Variants in MCTP1 observed in about 807,000 individuals in gnomAD.
MCTP1 encodes the protein multiple C2 and transmembrane domain containing 1.
Under a neutral mutation model 120.6 loss-of-function variants are expected in MCTP1, and 69 were observed. The ratio of observed to expected loss-of-function variants is 0.57; its 90% CI spans 0.47 to 0.70. MCTP1 has a LOEUF of 0.70. Among genes scored for constraint, MCTP1 ranks in the 30% least tolerant of loss-of-function variants. MCTP1 has a pLI of 0.00. For synonymous variants in MCTP1, 529 were observed against 493.1 expected, an observed-to-expected ratio of 1.07 and a Z score of -0.96; for missense variants, 1,203 against 1,248.8, an observed-to-expected ratio of 0.96 and a Z score of 0.55.
intron 1 of MCTP1, among the ~76,000 whole-genome samples, chr5:95,093,121 A>G (rs1214338226): frequency 2.0e-5 from 3 of 152,216 alleles, no homozygotes; most frequent in Non-Finnish European, 4.4e-5. Context: ...TGGGCTTTGG[A>G]CACGTAGCAT....
chr5:94,854,715 C>T (rs775384295), intron 17 of MCTP1, among the ~76,000 whole-genome samples: 14 of 151,856 alleles, frequency 9.2e-5, no homozygotes, highest in Non-Finnish European at 1.8e-4. Context: ...GGTAAGTATG[C>T]TTTTTCTACT....
At chr5:95,282,818 A>G (rs1216485186) in intron 1 of MCTP1, among the ~76,000 whole-genome samples, 1 of 152,310 alleles carries the variant, frequency 6.6e-6, no homozygotes, top group South Asian at 2.1e-4. Flanking sequence ...CTGAAAGCCT[A>G]TCTATTCCCG....
At chr5:94,903,350 C>T (rs1806009112) in intron 10 of MCTP1, among the ~76,000 whole-genome samples, 3 of 152,244 alleles carry the variant, frequency 2.0e-5, no homozygotes, top group South Asian at 4.2e-4. Context: ...GTGTCAAATG[C>T]TCAAATGTAT....
intron 1 of MCTP1, among the ~76,000 whole-genome samples, chr5:95,177,034 TGAGAGA>T (rs149455367): frequency 8.0e-5 from 12 of 149,534 alleles, no homozygotes; most frequent in African/African-American, 2.7e-4. Flanking sequence ...CCAGCTAATT[TGAGAGA>T]GAGAGAGAGA....
intron 1 of MCTP1, among the ~76,000 whole-genome samples, chr5:95,183,499 C>T (rs903991214): frequency 1.3e-5 from 2 of 151,830 alleles, no homozygotes; most frequent in African/African-American, 2.4e-5. Flanking sequence ...AAAACTTTTA[C>T]TTTTCAAAGG....
chr5:95,158,825 G>C (rs1290704478), intron 1 of MCTP1, among the ~76,000 whole-genome samples: 1 of 151,592 alleles, frequency 6.6e-6, no homozygotes, highest in African/African-American at 2.4e-5. Context: ...TATGGTCCCA[G>C]CTACTCAGGA....
At chr5:95,204,625 C>T (rs1286806196) in intron 1 of MCTP1, among the ~76,000 whole-genome samples, 2 of 151,878 alleles carry the variant, frequency 1.3e-5, no homozygotes, top group Non-Finnish European at 2.9e-5. Flanking sequence ...TATAGAAAAC[C>T]CTAAGGAATC....
intron 1 of MCTP1, among the ~76,000 whole-genome samples, chr5:95,266,159 CT>C (rs1758864874): frequency 6.6e-6 from 1 of 152,166 alleles, no homozygotes; most frequent in South Asian, 2.1e-4. Flanking sequence ...CAGATTTTTC[CT>C]CCTAAAAATC....
At chr5:95,109,588 T>G in intron 1 of MCTP1, among the ~76,000 whole-genome samples, 1 of 152,112 alleles carries the variant, frequency 6.6e-6, no homozygotes, top group East Asian at 1.9e-4. Flanking sequence ...CAGAGCTGGA[T>G]CATCAAGTTC....
intron 12 of MCTP1, among the ~76,000 whole-genome samples, chr5:94,880,767 G>A (rs540829062): frequency 6.6e-5 from 10 of 152,210 alleles, no homozygotes; most frequent in African/African-American, 2.2e-4. Flanking sequence ...AGAATCTTTG[G>A]ATCTATTTTT....
chr5:94,724,530 G>T lies in MCTP1; in HGVS notation c.2611-9644C>A, dbSNP rs182050269. Among the ~76,000 whole-genome samples the T allele has an allele frequency of 2.9e-3, 437 of 151,774 alleles. 3 individuals carry two copies. Among genetic ancestry groups the T allele is most frequent in the African/African-American group, 0.01 (422 of 41,370 alleles). On this transcript the variant is annotated intron_variant, in intron 19 of 22. Coordinates refer to ENST00000515393, the MANE Select transcript of MCTP1 (RefSeq NM_024717.7). The stretch of plus-strand genomic sequence containing the variant: ...GTCTCCCAAAGTGCTAGGATTACAG[G>T]ACCACCACACCCAGCCAAGAAAACC...
intron 1 of MCTP1, among the ~76,000 whole-genome samples, chr5:95,246,302 G>A (rs1036280682): frequency 5.3e-5 from 8 of 152,102 alleles, no homozygotes; most frequent in African/African-American, 1.9e-4. Flanking sequence ...ACATCATAAT[G>A]ACAGGATCAA....
At chr5:94,887,456 A>G (rs1801594540) in intron 12 of MCTP1, among the ~76,000 whole-genome samples, 1 of 152,216 alleles carries the variant, frequency 6.6e-6, no homozygotes, top group African/African-American at 2.4e-5. Flanking sequence ...CTATCCAATT[A>G]TATAATGGGC....
intron 19 of MCTP1, among the ~76,000 whole-genome samples, chr5:94,737,303 C>T (rs1246899509): frequency 6.6e-6 from 1 of 152,098 alleles, no homozygotes; most frequent in Non-Finnish European, 1.5e-5. Flanking sequence ...AGAAACACTG[C>T]CAGATAATGG....
chr5:95,177,092 A>G (rs1372166275), intron 1 of MCTP1, among the ~76,000 whole-genome samples: 3 of 151,584 alleles, frequency 2.0e-5, no homozygotes, highest in African/African-American at 7.3e-5. Context: ...AATATATATT[A>G]GGGTTATCCG....
intron 18 of MCTP1, among the ~76,000 whole-genome samples, chr5:94,780,764 G>C (rs941446464): frequency 5.3e-5 from 8 of 152,110 alleles, no homozygotes; most frequent in African/African-American, 1.7e-4. Flanking sequence ...ATAGTGCTAG[G>C]TAATGTGGGA....
chr5:94,947,573 TATATAGAGAGAG>T (rs1169043858), intron 3 of MCTP1, among the ~76,000 whole-genome samples: 13 of 47,020 alleles, frequency 2.8e-4, no homozygotes, highest in East Asian at 5.6e-4. Context: ...TATATATATA[TATATAGAGAGAG>T]AGAGAGAGAG....
At chr5:95,022,349 T>C (rs1242902982) in intron 1 of MCTP1, among the ~76,000 whole-genome samples, 1 of 152,186 alleles carries the variant, frequency 6.6e-6, no homozygotes, top group African/African-American at 2.4e-5. Context: ...TTTAAAAACT[T>C]GTATCTTCGT....
chr5:95,018,087 T>C (rs529792755), intron 1 of MCTP1, among the ~76,000 whole-genome samples: 2 of 152,134 alleles, frequency 1.3e-5, no homozygotes, highest in African/African-American at 2.4e-5. Flanking sequence ...TAAAAGTACA[T>C]CAGCTATTCC....
Sources: gnomAD v4.1 joint callset for allele counts (sites outside exome capture counted in the v4.1 genomes callset) on GRCh38, gnomAD v4.1.1 for gene constraint, MANE v1.5 for transcripts, NCBI Gene and HGNC (gene_info 2026-07-23, HGNC 2026-07-21) for gene names.